Variants in CDC14A observed in about 807,000 individuals in gnomAD.
The protein encoded by CDC14A is cell division cycle 14A.
In CDC14A, 53 loss-of-function variants were observed where a neutral mutation model predicts 74.4. The observed-to-expected ratio is 0.71, with a 90% CI of 0.57 to 0.89. CDC14A has a LOEUF of 0.89. CDC14A is among the 40% of genes least tolerant of loss of function. The pLI, the probability that CDC14A is intolerant of heterozygous loss-of-function variation, is 0.00. For missense variants in CDC14A, 646 were observed against 713.7 expected (o/e 0.91, Z 1.08); for synonymous variants, 247 against 258.4 (o/e 0.96, Z 0.43).
chr1:100,435,654 C>T (rs540480474), intron 5 of CDC14A, among the ~76,000 whole-genome samples: 1 of 151,844 alleles, frequency 6.6e-6, no homozygotes, highest in African/African-American at 2.4e-5. Flanking sequence ...CATGGTAAAA[C>T]CCTGTCTCTA....
intron 4 of CDC14A, chr1:100,392,899 A>T: frequency 1.7e-6 from 1 of 584,394 alleles, no homozygotes. Context: ...TTACCGCAGC[A>T]GCCCACACAT....
At chr1:100,484,095 A>G (rs555944476) in intron 10 of CDC14A, among the ~76,000 whole-genome samples, 197 bp from the exon 11 acceptor site, 2 of 152,300 alleles carry the variant, frequency 1.3e-5, no homozygotes, top group Admixed American at 1.3e-4. Flanking sequence ...TGTGTTTAAT[A>G]TAGAATCTTA....
At chr1:100,434,611 A>G (rs1471027164) in intron 5 of CDC14A, among the ~76,000 whole-genome samples, 2 of 152,196 alleles carry the variant, frequency 1.3e-5, no homozygotes, top group African/African-American at 2.4e-5. Flanking sequence ...GGTGAAACCA[A>G]TGGTGCATAG....
chr1:100,414,801 G>A (rs1331078099), intron 4 of CDC14A, among the ~76,000 whole-genome samples: 4 of 152,164 alleles, frequency 2.6e-5, no homozygotes, highest in Admixed American at 2.6e-4. Flanking sequence ...ACAGTATTTT[G>A]CTCAGCTTGC....
At chr1:100,351,576 G>C (rs921680625), upstream of CDC14A, 3 of 619,694 alleles carry the variant, frequency 4.8e-6, no homozygotes, top group African/African-American at 3.7e-5. Context: ...AAATTCCTTT[G>C]TGTTAACCTT....
At position 100,484,466 on chromosome 1, in the gene CDC14A, G is replaced by A. The variant is rs781555900; in HGVS notation, c.1137+15G>A. The A allele has an allele frequency of 6.3e-7, 1 of 1,588,476 alleles. No individual in the cohort carries two copies. The highest frequency in any genetic ancestry group is 1.8e-5 in the Admixed American group (1 of 55,340). On this transcript the variant is annotated intron_variant, in intron 11 of 15. Transcript: ENST00000336454. ...GATTTGGAGAGGTAAGTTTTCCCTA[G>A]GAGATTCTATCTTCTTAAAACTGAT...
At chr1:100,366,300 T>G (rs1653595986) in intron 2 of CDC14A, among the ~76,000 whole-genome samples, 1 of 152,218 alleles carries the variant, frequency 6.6e-6, no homozygotes, top group South Asian at 2.1e-4. Context: ...GAATAGGTAG[T>G]CATAAATTTT....
At chr1:100,405,377 AT>A (rs966919908) in intron 4 of CDC14A, among the ~76,000 whole-genome samples, 10 of 151,588 alleles carry the variant, frequency 6.6e-5, no homozygotes, top group African/African-American at 1.5e-4. Context: ...ACTCTTACAT[AT>A]TTTTTTTTCT....
chr1:100,439,985 A>T lies in CDC14A; in HGVS notation c.443A>T (p.Gln148Leu). 1 of 1,612,446 alleles carries T rather than the reference A, an allele frequency of 6.2e-7. No homozygotes were observed. Among genetic ancestry groups the T allele is most frequent in the East Asian group, 2.2e-5 (1 of 44,848 alleles). The change falls in exon 6 of 16, where the codon CAG (glutamine) becomes CTG (leucine). Residue 148 changes from glutamine (Q) to leucine (L), a missense_variant. Coordinates refer to ENST00000336454, the MANE Select transcript of CDC14A (RefSeq NM_003672.4). ...AATCTCACCATTCTCGACTGTTTGC[A>T]GGGAATCAGAAAGGTAATAACAATT... ...TYNLTILDCLQGIRKGLQHGF... is the reference protein window; with the variant it reads ...TYNLTILDCLLGIRKGLQHGF...
intron 5 of CDC14A, among the ~76,000 whole-genome samples, chr1:100,434,959 C>T (rs954788021): frequency 3.9e-5 from 6 of 152,124 alleles, no homozygotes; most frequent in East Asian, 1.9e-4. Context: ...GCCTTTCTAG[C>T]GGCAGCCTCA....
At chr1:100,477,273 A>G (rs532063329) in intron 10 of CDC14A, among the ~76,000 whole-genome samples, 8 of 152,290 alleles carry the variant, frequency 5.3e-5, no homozygotes, top group Non-Finnish European at 1.0e-4. Context: ...TTGTATAGAT[A>G]GCAAATATGT....
chr1:100,449,455 C>A (rs1285467101), intron 7 of CDC14A, among the ~76,000 whole-genome samples: 3 of 152,168 alleles, frequency 2.0e-5, no homozygotes, highest in Non-Finnish European at 2.9e-5. Flanking sequence ...TTCCTCTCCA[C>A]CCTTGTCCTT....
intron 5 of CDC14A, among the ~76,000 whole-genome samples, chr1:100,435,846 A>G (rs1664265939): frequency 7.3e-6 from 1 of 137,766 alleles, no homozygotes; most frequent in African/African-American, 2.9e-5. Flanking sequence ...AAAAAAAAAA[A>G]AGGAAAAGGA....
intron 4 of CDC14A, among the ~76,000 whole-genome samples, chr1:100,421,169 TG>T (rs1198383836): frequency 7.2e-5 from 11 of 152,310 alleles, no homozygotes; most frequent in Non-Finnish European, 1.2e-4. Context: ...GGGAAAGTTC[TG>T]GTTTGGGTTT....
chr1:100,376,965 T>C (rs1414129050), intron 2 of CDC14A, among the ~76,000 whole-genome samples: 1 of 152,090 alleles, frequency 6.6e-6, no homozygotes, highest in African/African-American at 2.4e-5. Context: ...GCCTGTTCTT[T>C]AGTGTGTTTA....
chr1:100,393,035 A>G, intron 4 of CDC14A: 1 of 1,378,052 alleles, frequency 7.3e-7, no homozygotes, highest in South Asian at 1.2e-5. Flanking sequence ...TTGTCTTTTC[A>G]GAAGTCTTGC....
At chr1:100,462,920 G>C (rs762032488) in intron 9 of CDC14A, 39 bp downstream of exon 9, 1 of 1,484,826 alleles carries the variant, frequency 6.7e-7, no homozygotes. Flanking sequence ...TGTGCTTATC[G>C]AAGGGGCGGG....
chr1:100,390,446 T>C (rs1657539929), intron 3 of CDC14A, among the ~76,000 whole-genome samples: 1 of 152,168 alleles, frequency 6.6e-6, no homozygotes. Flanking sequence ...CAAAAATGTT[T>C]CCAGTTAATA....
intron 2 of CDC14A, among the ~76,000 whole-genome samples, chr1:100,364,273 T>C (rs559922835): frequency 6.6e-6 from 1 of 152,034 alleles, no homozygotes; most frequent in South Asian, 2.1e-4. Context: ...AGTGGCCCGA[T>C]GTCGGCTCAC....
Sources: gnomAD v4.1 joint callset for allele counts (sites outside exome capture counted in the v4.1 genomes callset) on GRCh38, gnomAD v4.1.1 for gene constraint, MANE v1.5 for transcripts, NCBI Gene and HGNC (gene_info 2026-07-23, HGNC 2026-07-21) for gene names.